SRP54: variants seen among roughly 807,000 people sequenced by gnomAD.
SRP54 encodes signal recognition particle subunit SRP54.
Under a neutral mutation model 64.8 loss-of-function variants are expected in SRP54, and 10 were observed. That is an observed-to-expected ratio of 0.15 (90% CI 0.10 to 0.26). The LOEUF is 0.26. Among genes scored for constraint, SRP54 ranks in the 10% least tolerant of loss-of-function variants. SRP54 has a pLI of 1.00. For missense variants in SRP54, 325 were observed against 613.7 expected (o/e 0.53, Z 4.97); for synonymous variants, 193 against 185.6 (o/e 1.04, Z -0.32).
At chr14:35,005,066 T>G (rs2044235170) in intron 4 of SRP54, among the ~76,000 whole-genome samples, 1 of 152,196 alleles carries the variant, frequency 6.6e-6, no homozygotes, top group East Asian at 1.9e-4. Flanking sequence ...GCACAGTGGC[T>G]TATACCTGTA....
chr14:35,002,920 A>AT (rs971928151), intron 4 of SRP54, among the ~76,000 whole-genome samples: 8 of 150,980 alleles, frequency 5.3e-5, no homozygotes, highest in African/African-American at 1.9e-4. Flanking sequence ...TAGTTTTTGC[A>AT]TTTTTTGTAG....
chr14:34,983,580 C>A (rs571980814), intron 1 of SRP54, among the ~76,000 whole-genome samples: 1 of 152,158 alleles, frequency 6.6e-6, no homozygotes, highest in Non-Finnish European at 1.5e-5. Context: ...AACACAATGT[C>A]CTGCGTGTAG....
chr14:34,997,026 A>C, intron 2 of SRP54: 1 of 404,370 alleles, frequency 2.5e-6, no homozygotes, highest in Non-Finnish European at 4.4e-6. Flanking sequence ...ACCTGACCTT[A>C]ACTTACATGT....
At position 35,008,840 on chromosome 14, in the gene SRP54, C is replaced by T. The variant is rs1459803231; in HGVS notation, c.485+9C>T. The T allele has an allele frequency of 1.3e-6, 2 of 1,513,556 alleles. No individual in the cohort carries two copies. The highest frequency in any genetic ancestry group is 1.2e-5 in the South Asian group (1 of 86,296). 93.8% of individuals were successfully genotyped at this position (1,513,556 alleles called of 1,614,324 possible). ...ATTCCATTTTATGGAAGGTAGGTTA[C>T]TGTTTTTTATTTTAACACTTATATC... is the stretch of plus-strand genomic sequence containing the variant. On this transcript the variant is annotated intron_variant, in intron 7 of 15. Coordinates refer to ENST00000216774, the MANE Select transcript of SRP54 (RefSeq NM_003136.4).
chr14:35,019,598 A>G (rs2044493831), intron 13 of SRP54, among the ~76,000 whole-genome samples: 1 of 152,230 alleles, frequency 6.6e-6, no homozygotes, highest in Non-Finnish European at 1.5e-5. Context: ...AGAAATGGAT[A>G]GCTTAAGCAA....
At chr14:35,009,489 G>A (rs1455529714) in intron 7 of SRP54, among the ~76,000 whole-genome samples, 2 of 151,992 alleles carry the variant, frequency 1.3e-5, no homozygotes, top group East Asian at 1.9e-4. Context: ...AATCAGAAGA[G>A]TGCAAATTAA....
At position 35,003,436 on chromosome 14, in the gene SRP54, G is replaced by A. The variant is rs539884288; in HGVS notation, c.255+2416G>A. ...GTCATTCAAACTAGAGTGCAGTGGCGTGATCAGAGCTCACTGCGGCCTCAA... is the reference window on the plus strand; with the variant it reads ...GTCATTCAAACTAGAGTGCAGTGGCATGATCAGAGCTCACTGCGGCCTCAA... On this transcript the variant is annotated intron_variant, in intron 4 of 15. Transcript: ENST00000216774. 3.9e-3 allele frequency among the ~76,000 whole-genome samples: 592 copies of A among 152,088 alleles called. 6 individuals carry two copies. Among genetic ancestry groups the A allele is most frequent in the African/African-American group, 0.014 (571 of 41,496 alleles).
intron 13 of SRP54, among the ~76,000 whole-genome samples, chr14:35,022,129 A>G (rs1397985980): frequency 1.3e-5 from 2 of 152,062 alleles, no homozygotes; most frequent in African/African-American, 2.4e-5. Flanking sequence ...TATGATTAAT[A>G]TTTAGGGTAG....
intron 1 of SRP54, among the ~76,000 whole-genome samples, chr14:34,985,291 C>G (rs2043876898): frequency 6.6e-6 from 1 of 152,164 alleles, no homozygotes. Flanking sequence ...AAAAATAATA[C>G]ATTAAGTCCC....
intron 1 of SRP54, among the ~76,000 whole-genome samples, chr14:34,994,143 G>A (rs1046107509): frequency 1.5e-4 from 23 of 152,004 alleles, no homozygotes; most frequent in African/African-American, 5.1e-4. Context: ...AAAGGTGCCT[G>A]CCACCATGCC....
At chr14:34,985,301 C>G (rs1019023024) in intron 1 of SRP54, among the ~76,000 whole-genome samples, 8 of 152,166 alleles carry the variant, frequency 5.3e-5, no homozygotes, top group Non-Finnish European at 7.4e-5. Context: ...CATTAAGTCC[C>G]TTTGACCTCT....
At chr14:35,018,480 A>C (rs2044477737) in intron 11 of SRP54, 1 of 484,416 alleles carries the variant, frequency 2.1e-6, no homozygotes, top group Non-Finnish European at 3.7e-6. Flanking sequence ...GATAGAATGT[A>C]AGCTTCTCTA....
intron 2 of SRP54, among the ~76,000 whole-genome samples, chr14:34,998,965 T>G (rs1046003296): frequency 4.9e-5 from 6 of 121,772 alleles, no homozygotes; most frequent in East Asian, 2.1e-4. Flanking sequence ...TATTATTACT[T>G]TGTGTGTATG....
At chr14:34,995,589 G>A (rs1475272185) in intron 1 of SRP54, among the ~76,000 whole-genome samples, 1 of 152,086 alleles carries the variant, frequency 6.6e-6, no homozygotes, top group Admixed American at 6.6e-5. Flanking sequence ...ATAAGCCCTT[G>A]CATCCTTACA....
At chr14:35,016,256 A>G (rs1186076866) in intron 11 of SRP54, among the ~76,000 whole-genome samples, 2 of 152,228 alleles carry the variant, frequency 1.3e-5, no homozygotes, top group Admixed American at 6.5e-5. Context: ...TAATCTTTCA[A>G]AACTGCAAAT....
At chr14:35,023,161 A>T in intron 14 of SRP54, 81 bp downstream of exon 14, 1 of 1,165,164 alleles carries the variant, frequency 8.6e-7, no homozygotes, top group Non-Finnish European at 1.2e-6. Context: ...AGTATTGGAA[A>T]ATTCACAGCT....
At chr14:35,014,699 A>G in intron 10 of SRP54, 45 bp from the exon 11 acceptor site, 1 of 1,391,856 alleles carries the variant, frequency 7.2e-7, no homozygotes, top group Non-Finnish European at 1.0e-6. Context: ...AATGTGAAGC[A>G]GGGTATAGTA....
chr14:34,987,146 G>A (rs770265571), intron 1 of SRP54, among the ~76,000 whole-genome samples: 1 of 149,714 alleles, frequency 6.7e-6, no homozygotes, highest in Admixed American at 6.7e-5. Flanking sequence ...CAGGAGAATC[G>A]CTTGAATCCA....
In SRP54 at chr14:35,023,216, G is replaced by C. The variant is rs137901667; in HGVS notation, c.1327+136G>C. 1.3e-3 allele frequency: 829 copies of C among 656,068 alleles called. 8 individuals carry two copies. In the African/African-American group the frequency reaches 0.014, roughly 11 times the overall value. 40.6% of individuals were successfully genotyped at this position (656,068 alleles called of 1,614,324 possible). On this transcript the variant is annotated intron_variant, in intron 14 of 15. Transcript: ENST00000216774. ...AGTACTTCCAGGATTTATGTGACCTGTGATTTATCTGTTTTCATATTCAAG... is the reference window on the plus strand; with the variant it reads ...AGTACTTCCAGGATTTATGTGACCTCTGATTTATCTGTTTTCATATTCAAG...
Sources: gnomAD v4.1 joint callset for allele counts (sites outside exome capture counted in the v4.1 genomes callset) on GRCh38, gnomAD v4.1.1 for gene constraint, MANE v1.5 for transcripts, NCBI Gene and HGNC (gene_info 2026-07-23, HGNC 2026-07-21) for gene names.